The following KMT2E variants were observed in gnomAD, a reference collection of about 807,000 sequenced individuals.
KMT2E encodes histone reader KMT2E.
A neutral mutation model predicts 184.6 loss-of-function variants in KMT2E; 30 were observed. The ratio of observed to expected loss-of-function variants is 0.16; its 90% CI spans 0.12 to 0.22. The LOEUF (loss-of-function observed/expected upper bound fraction) is 0.22, where lower values mean the gene tolerates loss of function less well. Ranked by LOEUF, KMT2E falls within the 10% of genes least tolerant of loss-of-function variation. The pLI, the probability that KMT2E is intolerant of heterozygous loss-of-function variation, is 1.00. For synonymous variants in KMT2E, 815 were observed against 776.5 expected, an observed-to-expected ratio of 1.05 and a Z score of -0.82; for missense variants, 2,023 against 2,237.4, an observed-to-expected ratio of 0.90 and a Z score of 1.93.
Position 105,113,067 on chromosome 7 carries a change from T to C in KMT2E, c.5311T>C (p.Leu1771=). ...YPSQATHHTT[L]GPGPQHQPSG... is the part of the protein sequence containing the mutation. The stretch of plus-strand genomic sequence containing the variant: ...CTCACAAGCTACACATCATACCACT[T>C]TGGGACCGGGACCCCAGCACCAGCC... Residue 1771 remains leucine, a synonymous_variant, in exon 27 of 27, where the codon TTG becomes CTG. Coordinates refer to ENST00000311117, the MANE Select transcript of KMT2E (RefSeq NM_182931.3). 1 of 1,614,054 alleles carries C rather than the reference T, an allele frequency of 6.2e-7. No homozygotes were observed. Among genetic ancestry groups the C allele is most frequent in the Non-Finnish European group, 8.5e-7 (1 of 1,179,996 alleles).
intron 22 of KMT2E, chr7:105,108,740 G>T (rs1799021348): frequency 1.8e-6 from 1 of 553,760 alleles, no homozygotes; most frequent in Non-Finnish European, 3.2e-6. Context: ...GAGGATAAAT[G>T]AGATAATGTA....
intron 13 of KMT2E, among the ~76,000 whole-genome samples, chr7:105,087,289 A>AATAT (rs1021916068): frequency 6.8e-6 from 1 of 146,850 alleles, no homozygotes; most frequent in African/African-American, 2.5e-5. Flanking sequence ...AATATGATAT[A>AATAT]ATATATATAA....
At chr7:105,020,520 G>A (rs1043146605) in intron 1 of KMT2E, among the ~76,000 whole-genome samples, 1 of 152,174 alleles carries the variant, frequency 6.6e-6, no homozygotes, top group Admixed American at 6.5e-5. Flanking sequence ...GGGAGGCGGA[G>A]GTTGCAGTGA....
At chr7:105,083,757 G>T (rs1358521637) in intron 13 of KMT2E, among the ~76,000 whole-genome samples, 2 of 152,062 alleles carry the variant, frequency 1.3e-5, no homozygotes, top group African/African-American at 4.8e-5. Flanking sequence ...TGCATTAAAA[G>T]ACTTTTCAGG....
chr7:105,111,732 T>A, intron 26 of KMT2E, 93 bp from the exon 27 acceptor site: 1 of 1,395,496 alleles, frequency 7.2e-7, no homozygotes, highest in Non-Finnish European at 9.6e-7. Context: ...CCCATTAAAA[T>A]TAATATTTAG....
intron 18 of KMT2E, 35 bp downstream of exon 18, chr7:105,105,728 A>G (rs1431078221): frequency 1.9e-6 from 3 of 1,582,220 alleles, no homozygotes; most frequent in African/African-American, 1.4e-5. Context: ...ATGTAGAATG[A>G]GCCAAATGCC....
intron 3 of KMT2E, among the ~76,000 whole-genome samples, chr7:105,045,525 A>G (rs1207315597): frequency 6.6e-6 from 1 of 152,196 alleles, no homozygotes; most frequent in Non-Finnish European, 1.5e-5. Context: ...GATACCTCAT[A>G]TAAGTGGAAT....
intron 3 of KMT2E, 120 bp downstream of exon 3, chr7:105,041,143 GT>G: frequency 2.2e-6 from 1 of 457,788 alleles, no homozygotes. Context: ...ATTTTTTAAA[GT>G]AAAAAAAAAA....
rs796471528 is a variant in KMT2E, at chr7:105,035,493, C to G, written c.-188-2633C>G. Among the ~76,000 whole-genome samples, 302 of 149,866 alleles carry G rather than the reference C, an allele frequency of 2.0e-3. 2 individuals are homozygous for G. The highest frequency in any genetic ancestry group is 6.8e-3 in the African/African-American group (279 of 40,758). On this transcript the variant is annotated intron_variant, in intron 1 of 26. Coordinates refer to ENST00000311117, the MANE Select transcript of KMT2E (RefSeq NM_182931.3). Reference sequence around the variant, plus strand: ...CAAGATCGGCTTTTTTTTTTTTCCACTCAGCATAATTACCTTGGATTCACC... The same window carrying G: ...CAAGATCGGCTTTTTTTTTTTTCCAGTCAGCATAATTACCTTGGATTCACC...
At position 105,112,317 on chromosome 7, in the gene KMT2E, C is replaced by G. The variant is rs1799335441; in HGVS notation, c.4561C>G (p.Gln1521Glu). The G allele has an allele frequency of 1.2e-6, 2 of 1,613,724 alleles. No homozygotes were observed. The highest frequency in any genetic ancestry group is 1.7e-6 in the Non-Finnish European group (2 of 1,180,016). Residue 1521 changes from glutamine to glutamate, a missense_variant, in exon 27 of 27, where the codon CAG becomes GAG. Physicochemically the swap from Gln to Glu is conservative, Grantham distance 29. Coordinates refer to ENST00000311117, the MANE Select transcript of KMT2E (RefSeq NM_182931.3). ...QQATSGTLFT[Q>E]TPSGQSSATY... ...GGCAACTTCTGGAACATTATTTACA[C>G]AGACACCCTCAGGACAATCTTCAGC... is the stretch of plus-strand genomic sequence containing the variant.
intron 1 of KMT2E, among the ~76,000 whole-genome samples, chr7:105,035,623 G>C (rs1417368495): frequency 6.6e-6 from 1 of 151,520 alleles, no homozygotes; most frequent in Non-Finnish European, 1.5e-5. Flanking sequence ...TTTTGAGACA[G>C]AGAGTTTTGC....
intron 3 of KMT2E, among the ~76,000 whole-genome samples, chr7:105,047,564 G>A (rs1449100627): frequency 2.6e-5 from 4 of 152,218 alleles, no homozygotes; most frequent in African/African-American, 9.7e-5. Flanking sequence ...TTTGTTGAGC[G>A]CTGCTGTGCC....
In KMT2E at chr7:105,091,249, ACTC is replaced by A. The variant is rs1798193187; in HGVS notation, c.1660_1662del (p.Pro554del). 2 of 1,592,108 alleles carry A rather than the reference ACTC, an allele frequency of 1.3e-6. No homozygotes were observed. Among genetic ancestry groups the A allele is most frequent in the African/African-American group, 1.3e-5 (1 of 74,294 alleles). On this transcript the variant is annotated inframe_deletion, in exon 15 of 27. Coordinates refer to ENST00000311117, the MANE Select transcript of KMT2E (RefSeq NM_182931.3). ...TTTTATTGATGATATAGAAGAAAAA[ACTC>A]CTATTAGTAATGAAGTAGAAATGGA... is the stretch of plus-strand genomic sequence containing the variant.
At position 105,109,171 on chromosome 7, in the gene KMT2E, A is replaced by G. The variant is rs1799057450; in HGVS notation, c.3698A>G (p.Asn1233Ser). Residue 1233 changes from asparagine to serine, a missense_variant, in exon 23 of 27, where the codon AAT (asparagine) becomes AGT (serine). Physicochemically the swap from Asn to Ser is conservative, Grantham distance 46. This residue lies in a region of KMT2E where 1,108 missense variants were observed against 1,050.9 expected (regional missense o/e 1.05). Coordinates refer to ENST00000311117, the MANE Select transcript of KMT2E (RefSeq NM_182931.3). ...VYNATSEETS[N>S]NCPVKDATAS... The stretch of plus-strand genomic sequence containing the variant: ...AATGCCACTTCTGAAGAAACTAGCA[A>G]TAACTGCCCTGTTAAGGATGCTACT... 3 of 1,614,022 alleles carry G rather than the reference A, an allele frequency of 1.9e-6. No homozygotes were observed. The highest frequency in any genetic ancestry group is 2.2e-5 in the South Asian group (2 of 91,090).
chr7:105,023,017 A>C (rs143240813), intron 1 of KMT2E, among the ~76,000 whole-genome samples: 4 of 152,316 alleles, frequency 2.6e-5, no homozygotes, highest in African/African-American at 7.2e-5. Flanking sequence ...AGTTTCCTGG[A>C]TGCTGATCTA....
intron 13 of KMT2E, 50 bp from the exon 14 acceptor site, chr7:105,089,959 C>T (rs750745725): frequency 4.4e-6 from 7 of 1,578,462 alleles, no homozygotes; most frequent in Non-Finnish European, 6.0e-6. Flanking sequence ...AGAAAATTTC[C>T]AGTTTTGTTT....
intron 23 of KMT2E, 57 bp from the exon 24 acceptor site, chr7:105,110,223 C>G (rs1225228405): frequency 7.5e-6 from 10 of 1,335,526 alleles, no homozygotes; most frequent in African/African-American, 1.4e-5. Flanking sequence ...TATGAAGCAA[C>G]AATGTAACTA....
chr7:105,056,365 T>C (rs1796569972), intron 3 of KMT2E, among the ~76,000 whole-genome samples: 1 of 152,176 alleles, frequency 6.6e-6, no homozygotes, highest in African/African-American at 2.4e-5. Context: ...CAAAGGAAAA[T>C]CTGGCTCTAT....
intron 23 of KMT2E, among the ~76,000 whole-genome samples, chr7:105,109,712 C>G (rs1481961593): frequency 6.6e-6 from 1 of 152,136 alleles, no homozygotes; most frequent in Admixed American, 6.5e-5. Context: ...AAGTGACATT[C>G]TCAATGTCAA....
Sources: gnomAD v4.1 joint callset for allele counts (sites outside exome capture counted in the v4.1 genomes callset) on GRCh38, gnomAD v4.1.1 for gene constraint, gnomAD v4.1.1 regional missense constraint, MANE v1.5 for transcripts, NCBI Gene and HGNC (gene_info 2026-07-23, HGNC 2026-07-21) for gene names.